Variants in CTNNA2 observed in about 807,000 individuals in gnomAD.
The protein encoded by CTNNA2 is catenin alpha 2, also known as catenin alpha-2.
Under a neutral mutation model 101.0 loss-of-function variants are expected in CTNNA2, and 42 were observed. The observed-to-expected ratio is 0.42, with a 90% CI of 0.32 to 0.54. The LOEUF (loss-of-function observed/expected upper bound fraction) is 0.54, where lower values mean the gene tolerates loss of function less well. Ranked by LOEUF, CTNNA2 falls within the 20% of genes least tolerant of loss-of-function variation. The probability of loss-of-function intolerance (pLI) is 0.14; values close to 1 mark genes in which losing one functional copy is unlikely to be tolerated. For synonymous variants in CTNNA2, 450 were observed against 456.4 expected, an observed-to-expected ratio of 0.99 and a Z score of 0.18; for missense variants, 871 against 1,223.1, an observed-to-expected ratio of 0.71 and a Z score of 4.29.
chr2:80,016,689 A>ACGCC (rs1694174228), intron 7 of CTNNA2, among the ~76,000 whole-genome samples: 1 of 152,052 alleles, frequency 6.6e-6, no homozygotes, highest in Non-Finnish European at 1.5e-5. Context: ...AACTCCTTTT[A>ACGCC]TGTATTTACC....
intron 3 of CTNNA2, among the ~76,000 whole-genome samples, chr2:79,763,030 G>T (rs1672903952): frequency 6.6e-6 from 1 of 152,096 alleles, no homozygotes; most frequent in East Asian, 1.9e-4. Flanking sequence ...CCTTAATTTG[G>T]GGTCTTATTC....
At chr2:80,636,720 C>G (rs1229636966) in intron 18 of CTNNA2, among the ~76,000 whole-genome samples, 1 of 151,978 alleles carries the variant, frequency 6.6e-6, no homozygotes, top group Admixed American at 6.6e-5. Flanking sequence ...TTTGATGCTT[C>G]CCAAATTACA....
chr2:80,283,428 A>G (rs1573592781), intron 7 of CTNNA2, among the ~76,000 whole-genome samples: 1 of 152,288 alleles, frequency 6.6e-6, no homozygotes, highest in Admixed American at 6.5e-5. Flanking sequence ...ACAATTACTA[A>G]ATGTCAATTT....
intron 1 of CTNNA2, among the ~76,000 whole-genome samples, chr2:79,601,584 A>G (rs1398535466): frequency 6.6e-6 from 1 of 152,260 alleles, no homozygotes; most frequent in African/African-American, 2.4e-5. Context: ...AAATTGGAAA[A>G]AGAATATCTG....
At chr2:79,679,815 G>A (rs1683434771) in intron 2 of CTNNA2, among the ~76,000 whole-genome samples, 1 of 152,056 alleles carries the variant, frequency 6.6e-6, no homozygotes, top group Non-Finnish European at 1.5e-5. Context: ...TAAGGTCTCT[G>A]TGATACAGTG....
At chr2:80,401,686 C>A (rs898086613) in intron 8 of CTNNA2, among the ~76,000 whole-genome samples, 1 of 152,040 alleles carries the variant, frequency 6.6e-6, no homozygotes, top group South Asian at 2.1e-4. Flanking sequence ...ATTTGTGAGG[C>A]CTTCCAACTC....
chr2:79,523,678 C>T (rs1672243323), intron 1 of CTNNA2, among the ~76,000 whole-genome samples: 1 of 152,160 alleles, frequency 6.6e-6, no homozygotes, highest in African/African-American at 2.4e-5. Flanking sequence ...TGCCAAATTG[C>T]TCTTCCAATT....
At chr2:80,520,883 T>C (rs1689486971) in intron 9 of CTNNA2, among the ~76,000 whole-genome samples, 1 of 152,146 alleles carries the variant, frequency 6.6e-6, no homozygotes, top group Non-Finnish European at 1.5e-5. Context: ...AGAGTGGTAT[T>C]TTCTGTGAGT....
At chr2:80,340,574 G>T (rs892062477) in intron 7 of CTNNA2, among the ~76,000 whole-genome samples, 2 of 152,152 alleles carry the variant, frequency 1.3e-5, no homozygotes, top group South Asian at 4.1e-4. Context: ...TGTACCAGGT[G>T]ACATACAGCC....
intron 7 of CTNNA2, among the ~76,000 whole-genome samples, chr2:80,281,043 C>G (rs1674340783): frequency 6.6e-6 from 1 of 152,130 alleles, no homozygotes. Flanking sequence ...GCCATCATTT[C>G]TCTCTGCCTT....
chr2:80,647,123 A>G (rs550050375), intron 18 of CTNNA2, among the ~76,000 whole-genome samples: 25 of 152,268 alleles, frequency 1.6e-4, no homozygotes, highest in Non-Finnish European at 3.4e-4. Context: ...TTAACACCTC[A>G]TAGAAGCAAG....
At chr2:80,333,733 T>A (rs1026648316) in intron 7 of CTNNA2, among the ~76,000 whole-genome samples, 1 of 152,148 alleles carries the variant, frequency 6.6e-6, no homozygotes, top group Non-Finnish European at 1.5e-5. Flanking sequence ...TCAACAATTC[T>A]CCTGCCTCAG....
chr2:80,556,714 A>G (rs975080043), intron 12 of CTNNA2, among the ~76,000 whole-genome samples: 3 of 142,908 alleles, frequency 2.1e-5, no homozygotes, highest in Non-Finnish European at 4.8e-5. Context: ...ATTTATATAT[A>G]TGAGATAAGA....
At chr2:79,253,048 C>G (rs141721970) in intron 2 of CTNNA2, among the ~76,000 whole-genome samples, 4 of 152,304 alleles carry the variant, frequency 2.6e-5, no homozygotes, top group African/African-American at 9.6e-5. Context: ...TTCTCATTTG[C>G]TTATTCTGGA....
intron 4 of CTNNA2, among the ~76,000 whole-genome samples, chr2:79,462,355 A>G (rs1349518431): frequency 1.3e-5 from 2 of 152,328 alleles, no homozygotes; most frequent in Admixed American, 6.5e-5. Context: ...TCAAAGAAAG[A>G]GTGTTCTAGG....
chr2:80,500,330 A>G (rs1687786069), intron 9 of CTNNA2, among the ~76,000 whole-genome samples: 1 of 152,146 alleles, frequency 6.6e-6, no homozygotes, highest in Non-Finnish European at 1.5e-5. Flanking sequence ...ATGATCCACC[A>G]TCCATTTATT....
intron 9 of CTNNA2, among the ~76,000 whole-genome samples, chr2:80,469,453 C>T (rs907601122): frequency 2.0e-5 from 3 of 152,146 alleles, no homozygotes; most frequent in East Asian, 1.9e-4. Context: ...TCAGATATTA[C>T]GGAGTTTACT....
At chr2:80,565,767 TCGATTCC>T (rs1469235678) in intron 12 of CTNNA2, among the ~76,000 whole-genome samples, 1 of 152,142 alleles carries the variant, frequency 6.6e-6, no homozygotes, top group Non-Finnish European at 1.5e-5. Flanking sequence ...TATTTACCAC[TCGATTCC>T]CGATTCCCGG....
At chr2:80,578,576 T>C (rs545143714) in intron 13 of CTNNA2, among the ~76,000 whole-genome samples, 2 of 152,330 alleles carry the variant, frequency 1.3e-5, no homozygotes, top group South Asian at 2.1e-4. Flanking sequence ...AAACTGCACA[T>C]GCACAGAACT....
Sources: gnomAD v4.1 joint callset for allele counts (sites outside exome capture counted in the v4.1 genomes callset) on GRCh38, gnomAD v4.1.1 for gene constraint, MANE v1.5 for transcripts, NCBI Gene and HGNC (gene_info 2026-07-23, HGNC 2026-07-21) for gene names.